SDK1: variants seen among roughly 807,000 people sequenced by gnomAD.
The protein encoded by SDK1 is protein sidekick-1.
Under a neutral mutation model 245.5 loss-of-function variants are expected in SDK1, and 157 were observed. That is an observed-to-expected ratio of 0.64 (90% CI 0.56 to 0.73). SDK1 has a LOEUF of 0.73. SDK1 is among the 30% of genes least tolerant of loss of function. The pLI is 0.00. For missense variants in SDK1, 3,583 were observed against 3,002.3 expected (o/e 1.19, Z -4.52); for synonymous variants, 1,647 against 1,278.5 (o/e 1.29, Z -6.15).
chr7:3,548,955 A>G (rs527498613), intron 1 of SDK1, among the ~76,000 whole-genome samples: 3 of 152,322 alleles, frequency 2.0e-5, no homozygotes, highest in African/African-American at 7.2e-5. Flanking sequence ...TAGAACAACA[A>G]CAGTAGGGTT....
intron 38 of SDK1, among the ~76,000 whole-genome samples, chr7:4,212,890 T>TC (rs914281247): frequency 6.6e-6 from 1 of 152,194 alleles, no homozygotes; most frequent in African/African-American, 2.4e-5. Flanking sequence ...CTGGTTCTGC[T>TC]CCCCAGTCTT....
At chr7:3,333,433 G>A (rs1780119669) in intron 1 of SDK1, among the ~76,000 whole-genome samples, 1 of 152,148 alleles carries the variant, frequency 6.6e-6, no homozygotes, top group South Asian at 2.1e-4. Flanking sequence ...TCTTGACTGT[G>A]ACTATGGAAT....
intron 19 of SDK1, among the ~76,000 whole-genome samples, chr7:4,064,792 A>G (rs913118667): frequency 5.3e-5 from 8 of 152,174 alleles, no homozygotes; most frequent in Non-Finnish European, 7.4e-5. Flanking sequence ...CATTACATCA[A>G]TGCCCTCAGG....
intron 5 of SDK1, among the ~76,000 whole-genome samples, chr7:3,916,786 C>A (rs1236905527): frequency 6.6e-6 from 1 of 152,146 alleles, no homozygotes; most frequent in African/African-American, 2.4e-5. Flanking sequence ...ATTTTACCTT[C>A]CAGCTGATAG....
chr7:4,099,605 C>CCT (rs915872966), intron 22 of SDK1, among the ~76,000 whole-genome samples: 1 of 123,646 alleles, frequency 8.1e-6, no homozygotes, highest in Non-Finnish European at 1.7e-5. Context: ...AAAGGTACTA[C>CCT]CTCCAGGTGA....
At chr7:4,198,304 C>A (rs1003899168) in intron 35 of SDK1, among the ~76,000 whole-genome samples, 1 of 152,212 alleles carries the variant, frequency 6.6e-6, no homozygotes, top group Non-Finnish European at 1.5e-5. Context: ...TCCCACTGCA[C>A]CCCTGACAGC....
intron 8 of SDK1, among the ~76,000 whole-genome samples, chr7:3,961,949 G>GT (rs1406658819): frequency 2.0e-5 from 3 of 151,766 alleles, no homozygotes; most frequent in Admixed American, 6.6e-5. Context: ...ACACGCACAT[G>GT]TATACGCATA....
chr7:3,441,824 A>G (rs1378831232), intron 1 of SDK1, among the ~76,000 whole-genome samples: 2 of 152,194 alleles, frequency 1.3e-5, no homozygotes, highest in African/African-American at 4.8e-5. Flanking sequence ...TTAAAATGTA[A>G]ACCACTCAGT....
chr7:3,967,074 C>T (rs945046103), intron 9 of SDK1, among the ~76,000 whole-genome samples: 2 of 152,232 alleles, frequency 1.3e-5, no homozygotes, highest in African/African-American at 2.4e-5. Flanking sequence ...GGCCCCTGCA[C>T]GTTTCCACTT....
chr7:3,932,665 G>C (rs528825536), intron 5 of SDK1, among the ~76,000 whole-genome samples: 3 of 152,204 alleles, frequency 2.0e-5, no homozygotes, highest in Non-Finnish European at 4.4e-5. Context: ...AAAGAGATGG[G>C]AAAACAGAAG....
At chr7:3,474,779 C>G (rs1298083223) in intron 1 of SDK1, among the ~76,000 whole-genome samples, 2 of 152,184 alleles carry the variant, frequency 1.3e-5, no homozygotes, top group African/African-American at 4.8e-5. Context: ...CAGGCTGGAA[C>G]TCCTGGGTTC....
At chr7:3,938,852 C>T (rs953376277) in intron 5 of SDK1, among the ~76,000 whole-genome samples, 11 of 152,144 alleles carry the variant, frequency 7.2e-5, no homozygotes, top group African/African-American at 2.4e-4. Flanking sequence ...TTATCACCTT[C>T]GTTTTTCTCT....
chr7:4,098,039 G>C (rs796328506), intron 22 of SDK1, among the ~76,000 whole-genome samples: 51 of 152,250 alleles, frequency 3.3e-4, no homozygotes, highest in African/African-American at 1.2e-3. Flanking sequence ...AGAAATCTCA[G>C]AATGTTTCTT....
rs923807976 is a variant in SDK1 at position 3,676,463 on chromosome 7, C to G, written c.713+34358C>G. Among the ~76,000 whole-genome samples, 3 of 152,028 alleles carry G rather than the reference C, an allele frequency of 2.0e-5. No homozygotes were observed. The South Asian group carries it at 6.2e-4, about 32-fold the overall frequency. On this transcript the variant is annotated intron_variant, in intron 4 of 44. Coordinates refer to ENST00000404826, the MANE Select transcript of SDK1 (RefSeq NM_152744.4). ...GCCTCAGCTTCCCAAGTAGCTGGGA[C>G]TACAGGCGCCTGCCACCACGCCCAG...
At chr7:4,125,948 C>A (rs555309228) in intron 25 of SDK1, among the ~76,000 whole-genome samples, 1 of 152,192 alleles carries the variant, frequency 6.6e-6, no homozygotes, top group South Asian at 2.1e-4. Flanking sequence ...GGCCTTACTC[C>A]ATCACTCCAG....
chr7:3,970,385 C>G (rs1395559884), intron 11 of SDK1, among the ~76,000 whole-genome samples: 1 of 152,140 alleles, frequency 6.6e-6, no homozygotes. Flanking sequence ...ATCCAAGTTC[C>G]CACTATTCTG....
intron 1 of SDK1, among the ~76,000 whole-genome samples, chr7:3,321,780 CCTT>C (rs1779815544): frequency 6.7e-5 from 3 of 44,750 alleles, no homozygotes; most frequent in African/African-American, 4.1e-4. Flanking sequence ...CCTTCCTTCT[CCTT>C]CCTTCCTTCC....
chr7:4,220,366 G>C lies in SDK1; in HGVS notation c.5701+96G>C, dbSNP rs1584475563. 2.2e-6 allele frequency: 3 copies of C among 1,358,032 alleles called. 1 individual carries two copies. The East Asian group carries it at 7.0e-5, about 32-fold the overall frequency. 84.1% of individuals were successfully genotyped at this position (1,358,032 alleles called of 1,614,324 possible). A position where few individuals can be genotyped will look rare whatever the true frequency, so the allele number is the denominator to read the frequency against. The stretch of plus-strand genomic sequence containing the variant: ...GAGATCCATCTACATGGTCAACAAG[G>C]TGATGTTGGCGGCCAAGAGCTGGCA... On this transcript the variant is annotated intron_variant, in intron 39 of 44. Coordinates refer to ENST00000404826, the MANE Select transcript of SDK1 (RefSeq NM_152744.4).
chr7:3,708,196 A>C (rs1201834877), intron 4 of SDK1, among the ~76,000 whole-genome samples: 2 of 152,098 alleles, frequency 1.3e-5, no homozygotes, highest in Non-Finnish European at 2.9e-5. Context: ...AAATGACCAG[A>C]TCTCACGAGA....
Sources: allele counts gnomAD v4.1 joint callset (sites outside exome capture counted in the v4.1 genomes callset), GRCh38; gene constraint gnomAD v4.1.1; transcripts MANE v1.5; gene names NCBI Gene and HGNC (gene_info 2026-07-23, HGNC 2026-07-21).